EFCAB8: variants seen among roughly 807,000 people sequenced by gnomAD.
EFCAB8 encodes EF-hand calcium binding domain 8.
A neutral mutation model predicts 116.3 loss-of-function variants in EFCAB8; 100 were observed. The observed-to-expected ratio is 0.86, with a 90% CI of 0.73 to 1.02. EFCAB8 has a LOEUF of 1.02. Ranked by LOEUF, EFCAB8 falls within the 50% of genes least tolerant of loss-of-function variation. The pLI is 0.00. For missense variants in EFCAB8, 1,320 were observed against 1,416.9 expected, an observed-to-expected ratio of 0.93 and a Z score of 1.10; for synonymous variants, 558 against 567.9, an observed-to-expected ratio of 0.98 and a Z score of 0.25.
intron 26 of EFCAB8, among the ~76,000 whole-genome samples, chr20:32,960,471 G>A (rs1329011900): frequency 2.0e-5 from 3 of 152,208 alleles, no homozygotes; most frequent in Non-Finnish European, 4.4e-5. Flanking sequence ...TATGGTCTGT[G>A]GCTGTCTATT....
chr20:32,892,155 A>G, intron 7 of EFCAB8, 58 bp from the exon 8 acceptor site: 1 of 1,455,946 alleles, frequency 6.9e-7, no homozygotes, highest in Non-Finnish European at 9.4e-7. Flanking sequence ...GCTCACTGTG[A>G]CTGAAGACCT....
intron 1 of EFCAB8, among the ~76,000 whole-genome samples, chr20:32,860,493 CTTTTTTTTTTTTTT>C (rs71190881): frequency 0.43 from 36,092 of 84,404 alleles, 7,116 homozygotes; most frequent in Middle Eastern, 0.6. Context: ...ATGGTGGTAA[CTTTTTTTTTTTTTT>C]TTTTTTTTTT....
chr20:32,877,659 T>C (rs1161005986), intron 4 of EFCAB8, among the ~76,000 whole-genome samples: 1 of 152,248 alleles, frequency 6.6e-6, no homozygotes, highest in Non-Finnish European at 1.5e-5. Context: ...ACCCCGTTTC[T>C]TGTTACAGCT....
intron 8 of EFCAB8, among the ~76,000 whole-genome samples, chr20:32,892,738 G>A (rs1439058178): frequency 6.6e-6 from 1 of 152,194 alleles, no homozygotes; most frequent in Admixed American, 6.5e-5. Context: ...AGGTGTCTGG[G>A]CAAGGCCGGA....
At chr20:32,860,469 T>G (rs113425978) in intron 1 of EFCAB8, among the ~76,000 whole-genome samples, 4 of 151,644 alleles carry the variant, frequency 2.6e-5, no homozygotes, top group Non-Finnish European at 4.4e-5. Context: ...GGATGTCATT[T>G]TGTTCCATCG....
chr20:32,948,199 A>G (rs1465625987), intron 23 of EFCAB8, among the ~76,000 whole-genome samples: 1 of 152,190 alleles, frequency 6.6e-6, no homozygotes, highest in Non-Finnish European at 1.5e-5. Context: ...ATGAAATACT[A>G]TAAACAACTT....
At chr20:32,907,225 C>A in intron 13 of EFCAB8, 1 of 617,860 alleles carries the variant, frequency 1.6e-6, no homozygotes, top group Non-Finnish European at 2.0e-6. Flanking sequence ...CAAGTCCTTC[C>A]CTTTTCTGAG....
intron 2 of EFCAB8, among the ~76,000 whole-genome samples, chr20:32,865,666 A>G (rs1984356787): frequency 6.6e-6 from 1 of 151,570 alleles, no homozygotes; most frequent in South Asian, 2.1e-4. Context: ...AGGCGTGGTG[A>G]CTCATGCCTG....
chr20:32,870,617 G>C (rs1984636975), intron 3 of EFCAB8, among the ~76,000 whole-genome samples: 1 of 152,068 alleles, frequency 6.6e-6, no homozygotes, highest in African/African-American at 2.4e-5. Context: ...TCCTGTCTCA[G>C]CCTCTGGAGT....
intron 4 of EFCAB8, among the ~76,000 whole-genome samples, chr20:32,876,655 G>A (rs1984990951): frequency 6.6e-6 from 1 of 152,138 alleles, no homozygotes; most frequent in Non-Finnish European, 1.5e-5. Context: ...GGAATCCTAT[G>A]GGGTAGGTGC....
rs1450684710 is a variant in EFCAB8, at chr20:32,939,080, C to G, written c.2791-4556C>G. Among the ~76,000 whole-genome samples, 6 of 127,922 alleles carry G rather than the reference C, an allele frequency of 4.7e-5. 1 individual carries two copies. Among genetic ancestry groups the G allele is most frequent in the Non-Finnish European group, 8.2e-5 (5 of 61,266 alleles). 83.9% of individuals were successfully genotyped at this position (127,922 alleles called of 152,430 possible). A position where few individuals can be genotyped will look rare whatever the true frequency, so the allele number is the denominator to read the frequency against. ...TTCTTTCTTTCTCTCTCCCCAACTT[C>G]TTTCTTTTTTCTTTTCCTTCCTTCC... On this transcript the variant is annotated intron_variant, in intron 22 of 26. Coordinates refer to ENST00000400522, the MANE Select transcript of EFCAB8 (RefSeq NM_001143967.2).
chr20:32,885,390 G>T, intron 5 of EFCAB8, 115 bp from the exon 6 acceptor site: 1 of 1,405,600 alleles, frequency 7.1e-7, no homozygotes, highest in Non-Finnish European at 9.6e-7. Context: ...GTGCGTGTGC[G>T]TGACGCTCCG....
intron 7 of EFCAB8, among the ~76,000 whole-genome samples, chr20:32,889,838 C>T (rs1181276877): frequency 6.6e-6 from 1 of 152,020 alleles, no homozygotes; most frequent in African/African-American, 2.4e-5. Flanking sequence ...CCCGCCTCTA[C>T]TAAAAATACA....
chr20:32,892,138 T>G, intron 7 of EFCAB8, 75 bp from the exon 8 acceptor site: 680 of 1,280,928 alleles, frequency 5.3e-4, no homozygotes, highest in Non-Finnish European at 6.8e-4. Flanking sequence ...GGGATAGCAA[T>G]GAGGCTGCTC....
Position 32,889,410 on chromosome 20 carries a change from A to G in EFCAB8, c.673+4A>G. 1 of 1,551,592 alleles carries G rather than the reference A, an allele frequency of 6.4e-7. No individual in the cohort carries two copies. The highest frequency in any genetic ancestry group is 8.7e-7 in the Non-Finnish European group (1 of 1,146,830). ...GCGTCTACCAGGCAAAAGATAGGTG[A>G]GTCCCTGGGGGCTTCCCAGCTCTGC... is the stretch of plus-strand genomic sequence containing the variant. On this transcript the variant is annotated splice_donor_region_variant and intron_variant, in intron 7 of 26. Coordinates refer to ENST00000400522, the MANE Select transcript of EFCAB8 (RefSeq NM_001143967.2).
chr20:32,906,774 C>G (rs1206120624), intron 12 of EFCAB8, 69 bp from the exon 13 acceptor site: 1 of 810,042 alleles, frequency 1.2e-6, no homozygotes, highest in Non-Finnish European at 2.1e-6. Context: ...CTTCTGGGCA[C>G]CACCTTCACC....
rs1478088947 is a variant in EFCAB8 at position 32,959,970 on chromosome 20, C to T, written c.3282C>T (p.Ser1094=). ...AGGACAGCTGGAACAAGTGGGAGTCCAGGGACAAGCAGGTGAGGCTGGGAG... is the reference window on the plus strand; with the variant it reads ...AGGACAGCTGGAACAAGTGGGAGTCTAGGGACAAGCAGGTGAGGCTGGGAG... The part of the protein sequence containing the change: ...DIEDSWNKWE[S]RDKQVSKVLG... Residue 1094 remains serine, a synonymous_variant, in exon 25 of 27, where the codon TCC becomes TCT. Coordinates refer to ENST00000400522, the MANE Select transcript of EFCAB8 (RefSeq NM_001143967.2). 2.0e-5 allele frequency: 31 copies of T among 1,551,604 alleles called. No homozygotes were observed. The highest frequency in any genetic ancestry group is 2.6e-5 in the Non-Finnish European group (30 of 1,146,954).
chr20:32,951,131 C>T (rs1269074502), intron 23 of EFCAB8, among the ~76,000 whole-genome samples: 2 of 152,212 alleles, frequency 1.3e-5, no homozygotes, highest in Non-Finnish European at 2.9e-5. Flanking sequence ...CTTTGGAAAG[C>T]ATTTTGGCAG....
chr20:32,919,857 G>C (rs1017367905), intron 19 of EFCAB8, among the ~76,000 whole-genome samples: 1 of 152,076 alleles, frequency 6.6e-6, no homozygotes, highest in Non-Finnish European at 1.5e-5. Context: ...ATCTTCCCCA[G>C]AGGCAAACTC....
Sources: allele counts gnomAD v4.1 joint callset (sites outside exome capture counted in the v4.1 genomes callset), GRCh38; gene constraint gnomAD v4.1.1; transcripts MANE v1.5; gene names NCBI Gene and HGNC (gene_info 2026-07-23, HGNC 2026-07-21).